The following PSMA1 variants were observed in gnomAD, a reference collection of about 807,000 sequenced individuals.
PSMA1 encodes the protein proteasome subunit alpha type-1.
In PSMA1, 3 loss-of-function variants were observed where a neutral mutation model predicts 38.4. The ratio of observed to expected loss-of-function variants is 0.08; its 90% CI spans 0.04 to 0.20. The LOEUF is 0.20. Among genes scored for constraint, PSMA1 ranks in the 10% least tolerant of loss-of-function variants. The pLI, the probability that PSMA1 is intolerant of heterozygous loss-of-function variation, is 1.00. For missense variants in PSMA1, 227 were observed against 325.3 expected (o/e 0.70, Z 2.32); for synonymous variants, 101 against 107.1 (o/e 0.94, Z 0.35).
At chr11:14,594,226 T>A (rs977415268) in intron 2 of PSMA1, among the ~76,000 whole-genome samples, 5 of 152,250 alleles carry the variant, frequency 3.3e-5, no homozygotes, top group Non-Finnish European at 5.9e-5. Context: ...TAAGTTTTTC[T>A]GTTACTGGTG....
chr11:14,628,578 T>C (rs1266357781), intron 1 of PSMA1, among the ~76,000 whole-genome samples: 2 of 150,442 alleles, frequency 1.3e-5, no homozygotes, highest in Admixed American at 6.6e-5. Flanking sequence ...GTTGGACATT[T>C]GGGTTGGTTC....
chr11:14,520,302 T>C lies in PSMA1; in HGVS notation c.-3A>G, dbSNP rs1480197362. The C allele has an allele frequency of 3.1e-6, 5 of 1,614,020 alleles. No individual in the cohort carries two copies. The highest frequency in any genetic ancestry group is 2.2e-5 in the East Asian group (1 of 44,894). ...GAGATCGGGATTCAACGTACCATGG[T>C]GGCGGCGCGGGCCTGGTTGCGGCCT... On this transcript the variant is annotated 5_prime_UTR_variant, in exon 1 of 10. Transcript: ENST00000396394.
At chr11:14,605,445 G>A (rs551653502) in intron 2 of PSMA1, among the ~76,000 whole-genome samples, 4 of 152,160 alleles carry the variant, frequency 2.6e-5, no homozygotes, top group Admixed American at 6.5e-5. Context: ...ATACAACGGC[G>A]TGATCTTGGC....
chr11:14,551,925 C>T (rs1851889967), intron 2 of PSMA1, among the ~76,000 whole-genome samples: 1 of 152,124 alleles, frequency 6.6e-6, no homozygotes, highest in African/African-American at 2.4e-5. Context: ...CTATATTTTC[C>T]TCTTCTCTGC....
intron 2 of PSMA1, among the ~76,000 whole-genome samples, chr11:14,549,004 G>A (rs1274869451): frequency 6.6e-6 from 1 of 151,532 alleles, no homozygotes; most frequent in East Asian, 1.9e-4. Flanking sequence ...CTGCTATGTT[G>A]TTTTATGAAA....
At chr11:14,550,205 A>C in intron 2 of PSMA1, among the ~76,000 whole-genome samples, 1 of 152,210 alleles carries the variant, frequency 6.6e-6, no homozygotes, top group East Asian at 1.9e-4. Context: ...CATGAGTTAG[A>C]GGCAAGCAAA....
In PSMA1 at chr11:14,505,046, G is replaced by T. The variant is rs2134138942; in HGVS notation, c.*146C>A. 1 of 731,148 alleles carries T rather than the reference G, an allele frequency of 1.4e-6. No homozygotes were observed. The highest frequency in any genetic ancestry group is 2.4e-6 in the Non-Finnish European group (1 of 415,794). The allele number at this position is 731,148 out of a possible 1,614,324, so 45.3% of individuals were successfully genotyped here. ...TATATAGGTTTCAGTGAGGTTGCTT[G>T]GAAAAAACTCACATCTGGACTGATT... On this transcript the variant is annotated 3_prime_UTR_variant, in exon 10 of 10. Transcript: ENST00000396394.
At chr11:14,589,242 C>T (rs894555540) in intron 2 of PSMA1, among the ~76,000 whole-genome samples, 1 of 151,804 alleles carries the variant, frequency 6.6e-6, no homozygotes, top group Non-Finnish European at 1.5e-5. Flanking sequence ...TTTCTTTTTC[C>T]CCATAGCACT....
intron 2 of PSMA1, among the ~76,000 whole-genome samples, chr11:14,595,839 T>A (rs1367099136): frequency 6.6e-6 from 1 of 152,222 alleles, no homozygotes; most frequent in South Asian, 2.1e-4. Flanking sequence ...CTGAATGGTA[T>A]TGCCTAGGTT....
intron 2 of PSMA1, among the ~76,000 whole-genome samples, chr11:14,571,749 G>A (rs11529562): frequency 0.11 from 17,470 of 152,118 alleles, 1,226 homozygotes; most frequent in African/African-American, 0.2. Flanking sequence ...ACCCATCAGT[G>A]TGCTGTATTC....
chr11:14,517,770 A>T (rs1408290652), intron 3 of PSMA1, 25 bp from the exon 4 acceptor site: 23 of 26,154 alleles, frequency 8.8e-4, no homozygotes, highest in South Asian at 3.5e-3. Flanking sequence ...TATAAGATGT[A>T]AAAAAAAAAA....
chr11:14,637,840 A>G (rs1217270553), intron 1 of PSMA1, among the ~76,000 whole-genome samples: 2 of 152,216 alleles, frequency 1.3e-5, no homozygotes, highest in African/African-American at 4.8e-5. Flanking sequence ...AGGCAGACTT[A>G]GTTGAATAAA....
chr11:14,533,618 A>T (rs1851673099), intron 2 of PSMA1, among the ~76,000 whole-genome samples: 1 of 147,196 alleles, frequency 6.8e-6, no homozygotes. Context: ...GGGTCTCACT[A>T]TGTTGCCCAG....
intron 1 of PSMA1, among the ~76,000 whole-genome samples, chr11:14,616,806 T>C (rs532244858): frequency 6.6e-6 from 1 of 152,276 alleles, no homozygotes; most frequent in East Asian, 1.9e-4. Flanking sequence ...CAAAGTCTCA[T>C]GGCTATTATT....
At chr11:14,583,215 TC>T (rs1322395163) in intron 2 of PSMA1, among the ~76,000 whole-genome samples, 6 of 152,212 alleles carry the variant, frequency 3.9e-5, no homozygotes, top group African/African-American at 1.4e-4. Context: ...CTCTTTGTTT[TC>T]CTCCACCTTT....
intron 2 of PSMA1, among the ~76,000 whole-genome samples, chr11:14,589,328 G>A (rs993731421): frequency 2.7e-5 from 4 of 148,368 alleles, no homozygotes; most frequent in Non-Finnish European, 6.0e-5. Context: ...CATTAGGGAA[G>A]ATATATATAT....
chr11:14,520,336 A>G lies in PSMA1; in HGVS notation c.-37T>C. 1 of 1,614,142 alleles carries G rather than the reference A, an allele frequency of 6.2e-7. No individual in the cohort carries two copies. The highest frequency in any genetic ancestry group is 2.2e-5 in the East Asian group (1 of 44,884). The stretch of plus-strand genomic sequence containing the variant: ...GGGCCTGGTTGCGGCCTCCAGCAAA[A>G]CTGAGAATCAAGGAGGTGCTGCCGA... On this transcript the variant is annotated 5_prime_UTR_variant, in exon 1 of 10. Coordinates refer to ENST00000396394, the MANE Select transcript of PSMA1 (RefSeq NM_002786.4).
intron 2 of PSMA1, among the ~76,000 whole-genome samples, chr11:14,588,923 G>A (rs1390416864): frequency 2.6e-5 from 4 of 152,122 alleles, no homozygotes; most frequent in Non-Finnish European, 5.9e-5. Flanking sequence ...TCTGCCTGGA[G>A]GAATTTTATT....
chr11:14,557,441 A>C (rs947424512), intron 2 of PSMA1, among the ~76,000 whole-genome samples: 1 of 152,040 alleles, frequency 6.6e-6, no homozygotes, highest in Non-Finnish European at 1.5e-5. Flanking sequence ...ACGGGGTTTC[A>C]CCATGTTGGC....
Sources: allele counts gnomAD v4.1 joint callset (sites outside exome capture counted in the v4.1 genomes callset), GRCh38; gene constraint gnomAD v4.1.1; transcripts MANE v1.5; gene names NCBI Gene and HGNC (gene_info 2026-07-23, HGNC 2026-07-21).